SLC35F1: variants seen among roughly 807,000 people sequenced by gnomAD.
SLC35F1 encodes the protein chromosome 6 open reading frame 169.
SLC35F1 carries 14 observed loss-of-function variants against 48.7 expected under a neutral mutation model. That is an observed-to-expected ratio of 0.29 (90% CI 0.19 to 0.45). The LOEUF (loss-of-function observed/expected upper bound fraction) is 0.45. Among genes scored for constraint, SLC35F1 ranks in the 20% least tolerant of loss-of-function variants. The pLI is 1.00. For synonymous variants in SLC35F1, 190 were observed against 202.2 expected, an observed-to-expected ratio of 0.94 and a Z score of 0.51; for missense variants, 404 against 500.0, an observed-to-expected ratio of 0.81 and a Z score of 1.83.
intron 1 of SLC35F1, among the ~76,000 whole-genome samples, chr6:118,119,915 G>A (rs1313667591): frequency 6.6e-6 from 1 of 152,200 alleles, no homozygotes; most frequent in Non-Finnish European, 1.5e-5. Context: ...AGAAGAGGCA[G>A]ATGGCGTGAA....
intron 1 of SLC35F1, among the ~76,000 whole-genome samples, chr6:117,924,518 A>ATATACGTATATATACGTATATACATATG (rs1554216934): frequency 3.1e-5 from 2 of 64,456 alleles, no homozygotes; most frequent in African/African-American, 1.1e-4. Flanking sequence ...ATATACATAT[A>ATATACGTATATATACGTATATACATATG]TATATGTCAA....
intron 1 of SLC35F1, among the ~76,000 whole-genome samples, chr6:118,135,389 A>G (rs1773778959): frequency 6.6e-6 from 1 of 152,232 alleles, no homozygotes; most frequent in South Asian, 2.1e-4. Context: ...ATTCTATATT[A>G]TGTTTCTACA....
intron 7 of SLC35F1, among the ~76,000 whole-genome samples, chr6:118,298,022 C>T (rs1582776723): frequency 6.6e-6 from 1 of 152,076 alleles, no homozygotes; most frequent in East Asian, 1.9e-4. Context: ...CCTCCCTGCT[C>T]TCTTGCTCCC....
intron 1 of SLC35F1, among the ~76,000 whole-genome samples, chr6:118,083,589 C>A (rs964414458): frequency 4.6e-5 from 7 of 152,114 alleles, no homozygotes; most frequent in African/African-American, 7.2e-5. Context: ...TTTACTAAAT[C>A]CAGTGATGCT....
At chr6:118,189,892 T>G (rs1180735296) in intron 2 of SLC35F1, among the ~76,000 whole-genome samples, 1 of 152,178 alleles carries the variant, frequency 6.6e-6, no homozygotes, top group Non-Finnish European at 1.5e-5. Flanking sequence ...TTGAACACAG[T>G]TTGAACACTT....
intron 1 of SLC35F1, among the ~76,000 whole-genome samples, chr6:118,141,326 A>C (rs919822867): frequency 6.6e-6 from 1 of 152,226 alleles, no homozygotes; most frequent in African/African-American, 2.4e-5. Context: ...CATGCTGCAC[A>C]AGTTTGTAGC....
At chr6:118,297,638 A>ATAT (rs1175884886) in intron 7 of SLC35F1, among the ~76,000 whole-genome samples, 5 of 89,002 alleles carry the variant, frequency 5.6e-5, no homozygotes, top group South Asian at 3.4e-4. Context: ...ATATATATAT[A>ATAT]AAAAATATAT....
At chr6:118,060,257 T>C (rs1449380790) in intron 1 of SLC35F1, among the ~76,000 whole-genome samples, 1 of 152,152 alleles carries the variant, frequency 6.6e-6, no homozygotes, top group Non-Finnish European at 1.5e-5. Flanking sequence ...TGATTAATGA[T>C]AATAATTATC....
chr6:117,999,612 G>A (rs1483211522), intron 1 of SLC35F1, among the ~76,000 whole-genome samples: 3 of 150,984 alleles, frequency 2.0e-5, no homozygotes, highest in Admixed American at 1.3e-4. Context: ...CAGAACTGAA[G>A]GAAATAGAGA....
chr6:118,142,620 C>T (rs989713724), intron 1 of SLC35F1, among the ~76,000 whole-genome samples: 4 of 152,094 alleles, frequency 2.6e-5, no homozygotes, highest in African/African-American at 4.8e-5. Flanking sequence ...CAAATTTCTT[C>T]CCCGTCATTA....
intron 2 of SLC35F1, among the ~76,000 whole-genome samples, chr6:118,166,455 T>G (rs1774319427): frequency 6.6e-6 from 1 of 152,204 alleles, no homozygotes; most frequent in South Asian, 2.1e-4. Context: ...AGGTCGAAAT[T>G]TCCAGCTGTG....
intron 7 of SLC35F1, among the ~76,000 whole-genome samples, chr6:118,288,828 T>G (rs551248289): frequency 1.3e-5 from 2 of 152,194 alleles, no homozygotes; most frequent in South Asian, 4.1e-4. Flanking sequence ...ATTCTTGGTT[T>G]ACACTCTTCA....
chr6:118,014,994 T>A (rs1777300352), intron 1 of SLC35F1, among the ~76,000 whole-genome samples: 1 of 152,182 alleles, frequency 6.6e-6, no homozygotes, highest in Admixed American at 6.5e-5. Flanking sequence ...GATAATTGAA[T>A]CACAGGGGCA....
chr6:118,209,058 A>G (rs998030373), intron 2 of SLC35F1, among the ~76,000 whole-genome samples: 2 of 152,158 alleles, frequency 1.3e-5, no homozygotes, highest in African/African-American at 4.8e-5. Context: ...CCCATACCTG[A>G]AGGAAGGAAT....
intron 1 of SLC35F1, among the ~76,000 whole-genome samples, chr6:117,982,048 A>G (rs992947240): frequency 6.6e-5 from 10 of 152,228 alleles, no homozygotes; most frequent in African/African-American, 2.4e-4. Flanking sequence ...TAAGAATACA[A>G]AAATACGAGA....
chr6:118,127,913 G>A (rs1320152622), intron 1 of SLC35F1, among the ~76,000 whole-genome samples: 9 of 151,926 alleles, frequency 5.9e-5, no homozygotes, highest in East Asian at 3.9e-4. Flanking sequence ...CCTACTCATC[G>A]GACAAAGGGC....
intron 1 of SLC35F1, among the ~76,000 whole-genome samples, chr6:117,909,158 G>C (rs2788995): frequency 0.11 from 17,225 of 152,192 alleles, 2,397 homozygotes; most frequent in African/African-American, 0.33. Context: ...ACGGGAGACA[G>C]GAGTTGGTAA....
chr6:117,925,908 GC>G (rs1474423190), intron 1 of SLC35F1, among the ~76,000 whole-genome samples: 1 of 152,196 alleles, frequency 6.6e-6, no homozygotes, highest in East Asian at 1.9e-4. Context: ...TGGGTGAAAG[GC>G]CCCCACTCCA....
At chr6:118,027,709 C>T (rs1018132076) in intron 1 of SLC35F1, among the ~76,000 whole-genome samples, 1 of 151,950 alleles carries the variant, frequency 6.6e-6, no homozygotes, top group Non-Finnish European at 1.5e-5. Context: ...GATACAAGCA[C>T]CTTGTCAGAT....
Sources: allele counts gnomAD v4.1 joint callset (sites outside exome capture counted in the v4.1 genomes callset), GRCh38; gene constraint gnomAD v4.1.1; transcripts MANE v1.5; gene names NCBI Gene and HGNC (gene_info 2026-07-23, HGNC 2026-07-21).